Variants in IL23R observed in about 807,000 individuals in gnomAD.
IL23R encodes interleukin-23 receptor.
In IL23R, 34 loss-of-function variants were observed where a neutral mutation model predicts 56.9. That is an observed-to-expected ratio of 0.60 (90% CI 0.45 to 0.80). The LOEUF (loss-of-function observed/expected upper bound fraction) is 0.80, where lower values mean the gene tolerates loss of function less well. IL23R is among the 30% of genes least tolerant of loss of function. The pLI is 0.00. For synonymous variants in IL23R, 230 were observed against 249.2 expected (o/e 0.92, Z 0.73); for missense variants, 635 against 730.0 (o/e 0.87, Z 1.50).
chr1:67,196,555 A>G (rs544417060), intron 4 of IL23R, among the ~76,000 whole-genome samples: 1 of 152,172 alleles, frequency 6.6e-6, no homozygotes, highest in South Asian at 2.1e-4. Context: ...AAATAGAAGA[A>G]AATAAGAATG....
chr1:67,203,368 C>A (rs566513703), intron 5 of IL23R, among the ~76,000 whole-genome samples: 1 of 152,234 alleles, frequency 6.6e-6, no homozygotes, highest in African/African-American at 2.4e-5. Flanking sequence ...CACCATCCCA[C>A]CTCCCACAAA....
At chr1:67,240,318 C>A in intron 9 of IL23R, 37 bp downstream of exon 9, 1 of 1,361,066 alleles carries the variant, frequency 7.3e-7, no homozygotes, top group Non-Finnish European at 1.1e-6. Flanking sequence ...CTGATTTAGA[C>A]TACATGTATA....
chr1:67,192,288 G>A (rs1002010155), intron 4 of IL23R, among the ~76,000 whole-genome samples: 3 of 152,164 alleles, frequency 2.0e-5, no homozygotes, highest in Non-Finnish European at 4.4e-5. Context: ...CCTTATCAAA[G>A]CAGGGGATGA....
intron 5 of IL23R, among the ~76,000 whole-genome samples, chr1:67,204,881 T>C (rs1201168780): frequency 6.6e-6 from 1 of 151,856 alleles, no homozygotes; most frequent in Non-Finnish European, 1.5e-5. Context: ...TGGATTCAAG[T>C]GATTCTTGTG....
At chr1:67,228,327 G>A (rs374068944) in intron 7 of IL23R, among the ~76,000 whole-genome samples, 17 of 146,958 alleles carry the variant, frequency 1.2e-4, no homozygotes, top group African/African-American at 3.8e-4. Flanking sequence ...GGAACTACAG[G>A]CATGCACCAC....
At chr1:67,173,170 T>C (rs910202782) in intron 3 of IL23R, among the ~76,000 whole-genome samples, 1 of 152,148 alleles carries the variant, frequency 6.6e-6, no homozygotes, top group Non-Finnish European at 1.5e-5. Flanking sequence ...GTTTTGTTCT[T>C]GGATATTGAA....
intron 9 of IL23R, among the ~76,000 whole-genome samples, chr1:67,253,594 G>A (rs796369540): frequency 1.3e-5 from 2 of 151,990 alleles, no homozygotes; most frequent in Admixed American, 1.3e-4. Flanking sequence ...TAGGTTTTTT[G>A]CTCAGAACTT....
chr1:67,145,328 C>A lies in IL23R; in HGVS notation c.-634+6167C>A, dbSNP rs1646670331. ...TGCCACTGCCCTCCAGCCTGGGCAA[C>A]AAGAGCAAAACCCTGTCTCAAATAC... is the stretch of plus-strand genomic sequence containing the variant. On this transcript the variant is annotated intron_variant, in intron 1 of 10. Coordinates refer to the IL23R transcript ENST00000637002. Among the ~76,000 whole-genome samples the A allele has an allele frequency of 2.6e-5, 4 of 152,286 alleles. No homozygotes were observed. In the South Asian group the frequency reaches 8.3e-4, roughly 32 times the overall value.
At chr1:67,167,772 G>A (rs1646890985) in intron 1 of IL23R, among the ~76,000 whole-genome samples, 1 of 152,114 alleles carries the variant, frequency 6.6e-6, no homozygotes, top group Non-Finnish European at 1.5e-5. Flanking sequence ...ACTCAGAGGA[G>A]GAGGTTTCTG....
intron 9 of IL23R, among the ~76,000 whole-genome samples, chr1:67,242,921 C>T (rs1313747180): frequency 2.6e-5 from 4 of 152,098 alleles, no homozygotes; most frequent in Non-Finnish European, 5.9e-5. Flanking sequence ...ATCAGGTAGC[C>T]AAATGTACCT....
At chr1:67,228,363 CTTTT>C (rs78083258) in intron 7 of IL23R, among the ~76,000 whole-genome samples, 1 of 105,784 alleles carries the variant, frequency 9.5e-6, no homozygotes, top group Non-Finnish European at 1.8e-5. Flanking sequence ...TTTTTTCTTC[CTTTT>C]TTTTTTTTTT....
chr1:67,168,149 C>T lies in IL23R; in HGVS notation c.29C>T (p.Ala10Val). 6.2e-7 allele frequency: 1 copy of T among 1,611,728 alleles called. No homozygotes were observed. Among genetic ancestry groups the T allele is most frequent in the Non-Finnish European group, 8.5e-7 (1 of 1,178,006 alleles). The part of the protein sequence containing the change: MNQVTIQWD[A>V]VIALYILFSW... Reference sequence around the variant, plus strand: ...AATCAGGTCACTATTCAATGGGATGCAGTAATAGCCCTTTACATACTCTTC... The same window carrying T: ...AATCAGGTCACTATTCAATGGGATGTAGTAATAGCCCTTTACATACTCTTC... Residue 10 changes from alanine (A) to valine (V), a missense_variant, in exon 2 of 11, where the codon GCA (alanine) becomes GTA (valine). Physicochemically the swap from Ala to Val is moderately conservative, Grantham distance 64 (BLOSUM62 0). Coordinates refer to ENST00000347310, the MANE Select transcript of IL23R (RefSeq NM_144701.3).
downstream of IL23R, among the ~76,000 whole-genome samples, chr1:67,261,082 CTTT>C (rs34219944): frequency 6.9e-6 from 1 of 144,242 alleles, no homozygotes. Flanking sequence ...TTTTGTTTTA[CTTT>C]TTTTTTTTTT....
At chr1:67,216,208 C>G (rs1649823332) in intron 6 of IL23R, among the ~76,000 whole-genome samples, 2 of 152,198 alleles carry the variant, frequency 1.3e-5, no homozygotes, top group South Asian at 4.1e-4. Context: ...CCTGTTTACA[C>G]TTCTATTTCT....
rs188476709 is a variant in IL23R at position 67,181,778 on chromosome 1, T to C, written c.368-1058T>C. ...TCTTTGTGGTTTTATCTATCTTTGG[T>C]CTTTGATGATGGTGATGTACAGATG... is the stretch of plus-strand genomic sequence containing the variant. On this transcript the variant is annotated intron_variant, in intron 3 of 10. Transcript: ENST00000347310. Among the ~76,000 whole-genome samples the C allele has an allele frequency of 3.3e-5, 5 of 152,188 alleles. No homozygotes were observed. The South Asian group carries it at 6.2e-4, about 19-fold the overall frequency.
At chr1:67,206,295 G>A (rs559451209) in intron 5 of IL23R, among the ~76,000 whole-genome samples, 1 of 152,042 alleles carries the variant, frequency 6.6e-6, no homozygotes, top group Non-Finnish European at 1.5e-5. Context: ...ATACAGACAT[G>A]AGCCACCATG....
chr1:67,260,904 GTTCA>G (rs1182742360), downstream of IL23R, among the ~76,000 whole-genome samples: 2 of 151,896 alleles, frequency 1.3e-5, no homozygotes, highest in African/African-American at 4.8e-5. Context: ...ATAAATATTC[GTTCA>G]TTCATTCATT....
intron 9 of IL23R, among the ~76,000 whole-genome samples, chr1:67,247,296 A>G (rs1274218716): frequency 6.8e-6 from 1 of 148,024 alleles, no homozygotes; most frequent in Non-Finnish European, 1.5e-5. Context: ...TGGGGCATTT[A>G]GCCCATTTAC....
chr1:67,235,406 T>C (rs1570902961), intron 7 of IL23R, among the ~76,000 whole-genome samples: 1 of 151,966 alleles, frequency 6.6e-6, no homozygotes, highest in East Asian at 1.9e-4. Context: ...CTTTTTTTTT[T>C]TTTGTGAAAT....
Sources: allele counts gnomAD v4.1 joint callset (sites outside exome capture counted in the v4.1 genomes callset), GRCh38; gene constraint gnomAD v4.1.1; transcripts MANE v1.5; gene names NCBI Gene and HGNC (gene_info 2026-07-23, HGNC 2026-07-21).